The following NXPH2 variants were observed in gnomAD, a reference collection of about 807,000 sequenced individuals.
The protein encoded by NXPH2 is neurexophilin 2, also known as neurexophilin-2.
NXPH2 carries 5 observed loss-of-function variants against 19.8 expected under a neutral mutation model. The observed-to-expected ratio is 0.25, with a 90% CI of 0.13 to 0.53. NXPH2 has a LOEUF of 0.53. NXPH2 is among the 20% of genes least tolerant of loss of function. NXPH2 has a pLI of 0.96. For missense variants in NXPH2, 289 were observed against 322.8 expected (o/e 0.90, Z 0.80); for synonymous variants, 154 against 127.4 (o/e 1.21, Z -1.41).
chr2:138,721,205 G>C (rs1236078168), intron 1 of NXPH2, among the ~76,000 whole-genome samples: 1 of 152,064 alleles, frequency 6.6e-6, no homozygotes, highest in Non-Finnish European at 1.5e-5. Flanking sequence ...GCCAGACGTG[G>C]TGGTCTGCAC....
intron 1 of NXPH2, among the ~76,000 whole-genome samples, chr2:138,695,195 C>T (rs1158654782): frequency 6.6e-6 from 1 of 151,938 alleles, no homozygotes; most frequent in Non-Finnish European, 1.5e-5. Flanking sequence ...TCCAAGAATA[C>T]CAAGGGAAAA....
intron 1 of NXPH2, among the ~76,000 whole-genome samples, chr2:138,675,955 ATGTGTGTGTGTG>A (rs61124904): frequency 1.3e-5 from 2 of 150,322 alleles, no homozygotes; most frequent in Non-Finnish European, 3.0e-5. Flanking sequence ...ATATATACAT[ATGTGTGTGTGTG>A]TGTGTGTGTG....
At chr2:138,776,579 C>CTTATAATG in intron 1 of NXPH2, among the ~76,000 whole-genome samples, 1 of 149,604 alleles carries the variant, frequency 6.7e-6, no homozygotes, top group East Asian at 2.0e-4. Flanking sequence ...CATTTTAATG[C>CTTATAATG]ACGGCCAACT....
In NXPH2 at chr2:138,757,058, A is replaced by G. The variant is rs538172341; in HGVS notation, c.51+23133T>C. Among the ~76,000 whole-genome samples the G allele has an allele frequency of 4.6e-5, 7 of 152,298 alleles. No homozygotes were observed. The South Asian group carries it at 1.5e-3, about 32-fold the overall frequency. On this transcript the variant is annotated intron_variant, in intron 1 of 1. Coordinates refer to ENST00000272641, the MANE Select transcript of NXPH2 (RefSeq NM_007226.3). ...TTAAAATAGGTTTAAATCTATCACAATGCAAGGCTACCTGAGAAAGGAAGC... is the reference window on the plus strand; with the variant it reads ...TTAAAATAGGTTTAAATCTATCACAGTGCAAGGCTACCTGAGAAAGGAAGC...
intron 1 of NXPH2, among the ~76,000 whole-genome samples, chr2:138,710,096 G>A (rs1387860804): frequency 1.3e-5 from 2 of 152,078 alleles, no homozygotes; most frequent in Non-Finnish European, 2.9e-5. Flanking sequence ...CCAGCCCCTG[G>A]TGACTTACTT....
intron 1 of NXPH2, among the ~76,000 whole-genome samples, chr2:138,711,343 G>T (rs1681103295): frequency 6.6e-6 from 1 of 151,862 alleles, no homozygotes. Flanking sequence ...GTTTCACCAT[G>T]TTAGTCAGGC....
At position 138,671,404 on chromosome 2, in the gene NXPH2, T is replaced by G; in HGVS notation, c.313A>C (p.Thr105Pro). The G allele has an allele frequency of 6.2e-7, 1 of 1,614,048 alleles. No individual in the cohort carries two copies. Among genetic ancestry groups the G allele is most frequent in the Non-Finnish European group, 8.5e-7 (1 of 1,179,898 alleles). The change falls in exon 2 of 2, where the codon ACA becomes CCA. Residue 105 changes from threonine (T) to proline (P), a missense_variant. Transcript: ENST00000272641. ...ARTKRRPIVK[T>P]GKFKKMFGWG... ...CCAAACATTTTCTTAAATTTTCCTGTTTTTACTATTGGCCTCCGTTTAGTT... is the reference window on the plus strand; with the variant it reads ...CCAAACATTTTCTTAAATTTTCCTGGTTTTACTATTGGCCTCCGTTTAGTT...
chr2:138,778,458 A>T (rs1240669281), intron 1 of NXPH2, among the ~76,000 whole-genome samples: 1 of 152,192 alleles, frequency 6.6e-6, no homozygotes, highest in Admixed American at 6.5e-5. Flanking sequence ...CGGTGTGGAA[A>T]AAAAAAATAT....
At chr2:138,754,842 A>G (rs757425292) in intron 1 of NXPH2, among the ~76,000 whole-genome samples, 2 of 152,090 alleles carry the variant, frequency 1.3e-5, no homozygotes, top group Admixed American at 6.6e-5. Context: ...GCAATGAATG[A>G]GAGTTCCTGT....
chr2:138,734,870 T>C (rs1473776248), intron 1 of NXPH2, among the ~76,000 whole-genome samples: 1 of 152,084 alleles, frequency 6.6e-6, no homozygotes, highest in Non-Finnish European at 1.5e-5. Context: ...TAAACTGAGC[T>C]CACGTGGCTC....
In NXPH2 at chr2:138,671,548, G is replaced by T; in HGVS notation, c.169C>A (p.Arg57Ser). The T allele has an allele frequency of 1.9e-6, 3 of 1,613,994 alleles. No individual in the cohort carries two copies. Among genetic ancestry groups the T allele is most frequent in the Non-Finnish European group, 2.5e-6 (3 of 1,179,874 alleles). Reference protein sequence around the residue: ...VVHSRIISPLRLFVKQSPVPK... With the variant: ...VVHSRIISPLSLFVKQSPVPK... ...ACCGGAGACTGTTTAACAAACAGGC[G>T]CAGGGGACTGATGATCCTTGAGTGC... is the stretch of plus-strand genomic sequence containing the variant. Residue 57 changes from arginine (R) to serine (S), a missense_variant, in exon 2 of 2, where the codon CGC becomes AGC. Transcript: ENST00000272641.
At position 138,711,056 on chromosome 2, in the gene NXPH2, TG is replaced by T. The variant is rs371652727; in HGVS notation, c.52-39392del. Among the ~76,000 whole-genome samples the T allele has an allele frequency of 3.5e-3, 535 of 152,146 alleles. 3 individuals are homozygous for T. Among genetic ancestry groups the T allele is most frequent in the African/African-American group, 8.7e-3 (363 of 41,514 alleles). On this transcript the variant is annotated intron_variant, in intron 1 of 1. Coordinates refer to ENST00000272641, the MANE Select transcript of NXPH2 (RefSeq NM_007226.3). ...CTCTCATATTGCAAAATGTTATCGCTGCACCATTCTATTTAAAAATCTCACC... is the reference window on the plus strand; with the variant it reads ...CTCTCATATTGCAAAATGTTATCGCTCACCATTCTATTTAAAAATCTCACC...
At chr2:138,735,845 A>C (rs1486786625) in intron 1 of NXPH2, among the ~76,000 whole-genome samples, 1 of 152,244 alleles carries the variant, frequency 6.6e-6, no homozygotes, top group African/African-American at 2.4e-5. Flanking sequence ...GGGTAGATAC[A>C]GCCATTCCAA....
At chr2:138,777,481 C>T (rs1682283025) in intron 1 of NXPH2, among the ~76,000 whole-genome samples, 1 of 152,084 alleles carries the variant, frequency 6.6e-6, no homozygotes, top group Admixed American at 6.6e-5. Context: ...TCCTAGCCTA[C>T]TTGCAGTATT....
At chr2:138,738,554 T>C (rs1261560873) in intron 1 of NXPH2, among the ~76,000 whole-genome samples, 1 of 152,176 alleles carries the variant, frequency 6.6e-6, no homozygotes, top group Non-Finnish European at 1.5e-5. Flanking sequence ...CACTGATAAA[T>C]GGGTCTTTTG....
intron 1 of NXPH2, among the ~76,000 whole-genome samples, chr2:138,672,988 T>G (rs1301352246): frequency 6.6e-6 from 1 of 152,224 alleles, no homozygotes; most frequent in Non-Finnish European, 1.5e-5. Flanking sequence ...CACCTATGTC[T>G]AGTCCCCAAA....
chr2:138,695,904 T>C (rs573842952), intron 1 of NXPH2, among the ~76,000 whole-genome samples: 1 of 152,142 alleles, frequency 6.6e-6, no homozygotes, highest in Non-Finnish European at 1.5e-5. Context: ...AATCCTCCAT[T>C]GTGAGAAGGT....
At chr2:138,747,926 T>C (rs1015246546) in intron 1 of NXPH2, among the ~76,000 whole-genome samples, 1 of 152,188 alleles carries the variant, frequency 6.6e-6, no homozygotes, top group African/African-American at 2.4e-5. Flanking sequence ...ACACCTTCCC[T>C]AGAGGCTCTC....
chr2:138,778,310 A>G (rs1420059274), intron 1 of NXPH2, among the ~76,000 whole-genome samples: 1 of 152,230 alleles, frequency 6.6e-6, no homozygotes, highest in Non-Finnish European at 1.5e-5. Flanking sequence ...CCCAAGCACA[A>G]TCCCAAAATG....
Sources: gnomAD v4.1 joint callset for allele counts (sites outside exome capture counted in the v4.1 genomes callset) on GRCh38, gnomAD v4.1.1 for gene constraint, MANE v1.5 for transcripts, NCBI Gene and HGNC (gene_info 2026-07-23, HGNC 2026-07-21) for gene names.